Variants in ADAMTSL1 observed in about 807,000 individuals in gnomAD.
ADAMTSL1 encodes ADAMTS like 1.
ADAMTSL1 carries 126 observed loss-of-function variants against 201.8 expected under a neutral mutation model. The observed-to-expected ratio is 0.62, with a 90% CI of 0.54 to 0.72. The LOEUF (loss-of-function observed/expected upper bound fraction) is 0.72, where lower values mean the gene tolerates loss of function less well. Ranked by LOEUF, ADAMTSL1 falls within the 30% of genes least tolerant of loss-of-function variation. The probability of loss-of-function intolerance (pLI) is 0.00; values close to 1 mark genes in which losing one functional copy is unlikely to be tolerated. For missense variants in ADAMTSL1, 2,679 were observed against 2,277.8 expected (o/e 1.18, Z -3.59); for synonymous variants, 1,121 against 903.4 (o/e 1.24, Z -4.32).
intron 2 of ADAMTSL1, among the ~76,000 whole-genome samples, chr9:18,318,446 G>A (rs548283461): frequency 2.0e-4 from 30 of 152,208 alleles, no homozygotes; most frequent in Non-Finnish European, 3.5e-4. Context: ...TCAATTCTGA[G>A]TAGCAGTAAT....
At chr9:18,725,312 A>T (rs1171446720) in intron 15 of ADAMTSL1, among the ~76,000 whole-genome samples, 5 of 152,234 alleles carry the variant, frequency 3.3e-5, no homozygotes, top group Non-Finnish European at 5.9e-5. Context: ...GAGGTTAAGT[A>T]AGTTATAGGC....
chr9:18,236,287 G>A (rs1288112022), intron 2 of ADAMTSL1, among the ~76,000 whole-genome samples: 1 of 152,108 alleles, frequency 6.6e-6, no homozygotes, highest in Admixed American at 6.5e-5. Context: ...GGCCAGGCTG[G>A]CTGGTCTTGA....
In ADAMTSL1 at chr9:18,574,143, C is replaced by T. The variant is rs200209229; in HGVS notation, c.351C>T (p.Asn117=). 1 of 1,613,968 alleles carries T rather than the reference C, an allele frequency of 6.2e-7. No individual in the cohort carries two copies. Among genetic ancestry groups the T allele is most frequent in the African/African-American group, 1.3e-5 (1 of 74,896 alleles). Residue 117 remains asparagine, a synonymous_variant, in exon 4 of 29, where the codon AAC becomes AAT. Coordinates refer to ENST00000380548, the MANE Select transcript of ADAMTSL1 (RefSeq NM_001040272.6). ...TTCCTGTGTCTAATGACCCTGACAA[C>T]CCATGTTCACTCAAGTGCCAAGCCA... is the stretch of plus-strand genomic sequence containing the variant. ...EWLPVSNDPD[N]PCSLKCQAKG... is the part of the protein sequence containing the mutation.
chr9:18,455,872 C>A (rs6475219), intron 2 of ADAMTSL1, among the ~76,000 whole-genome samples: 61,399 of 151,002 alleles, frequency 0.41, 12,801 homozygotes, highest in East Asian at 0.48. Flanking sequence ...ATGTTAATAG[C>A]CCCCATTTTA....
At chr9:18,878,428 A>G (rs1347852056) in intron 23 of ADAMTSL1, among the ~76,000 whole-genome samples, 2 of 152,266 alleles carry the variant, frequency 1.3e-5, no homozygotes, top group Non-Finnish European at 2.9e-5. Flanking sequence ...ACAAAGTCAG[A>G]AATGGCTTCC....
chr9:18,784,459 C>T (rs1050389057), intron 19 of ADAMTSL1, among the ~76,000 whole-genome samples: 3 of 152,156 alleles, frequency 2.0e-5, no homozygotes, highest in Non-Finnish European at 2.9e-5. Flanking sequence ...GAGGAGGCTG[C>T]GGTCTGCAAG....
intron 20 of ADAMTSL1, among the ~76,000 whole-genome samples, chr9:18,796,986 T>C (rs1822464460): frequency 6.6e-6 from 1 of 152,230 alleles, no homozygotes; most frequent in African/African-American, 2.4e-5. Flanking sequence ...TGCCCTTTGT[T>C]CACCCGAATT....
intron 1 of ADAMTSL1, among the ~76,000 whole-genome samples, chr9:18,085,365 T>C (rs1174245990): frequency 1.3e-5 from 2 of 151,990 alleles, no homozygotes; most frequent in Non-Finnish European, 2.9e-5. Context: ...ATCTTCTTCA[T>C]AGACATCATG....
At chr9:17,959,370 T>C (rs2131393962) in intron 1 of ADAMTSL1, among the ~76,000 whole-genome samples, 1 of 152,348 alleles carries the variant, frequency 6.6e-6, no homozygotes, top group Non-Finnish European at 1.5e-5. Context: ...AAATAGATGA[T>C]ACCCTCCTTC....
At chr9:17,993,687 C>G (rs1240428648) in intron 1 of ADAMTSL1, among the ~76,000 whole-genome samples, 2 of 152,068 alleles carry the variant, frequency 1.3e-5, no homozygotes, top group African/African-American at 2.4e-5. Flanking sequence ...TTGGGGAGAT[C>G]CTTCACATTT....
intron 4 of ADAMTSL1, among the ~76,000 whole-genome samples, chr9:18,617,440 A>G (rs1209114288): frequency 1.4e-5 from 2 of 147,500 alleles, no homozygotes; most frequent in Non-Finnish European, 3.0e-5. Context: ...TGCACGACAT[A>G]CTAAGTCTCT....
chr9:18,158,426 A>AT (rs1352213893), intron 1 of ADAMTSL1, among the ~76,000 whole-genome samples: 1 of 151,854 alleles, frequency 6.6e-6, no homozygotes. Context: ...AGGAATGAAG[A>AT]TTTTTTGGAT....
intron 20 of ADAMTSL1, 61 bp downstream of exon 20, chr9:18,795,585 T>G: frequency 6.6e-7 from 1 of 1,517,734 alleles, no homozygotes; most frequent in Non-Finnish European, 8.9e-7. Flanking sequence ...GTGCCTATAG[T>G]GTGTCAAACA....
intron 15 of ADAMTSL1, among the ~76,000 whole-genome samples, chr9:18,747,218 G>C (rs997979012): frequency 2.0e-5 from 3 of 152,202 alleles, no homozygotes; most frequent in African/African-American, 7.2e-5. Context: ...TACGAGCTGT[G>C]TGACTTTGGA....
chr9:18,227,230 T>A (rs1204938097), intron 2 of ADAMTSL1, among the ~76,000 whole-genome samples: 1 of 152,114 alleles, frequency 6.6e-6, no homozygotes, highest in Non-Finnish European at 1.5e-5. Context: ...TTCTGCATTG[T>A]CGTATATTTT....
At chr9:18,788,747 A>G (rs561860082) in intron 19 of ADAMTSL1, among the ~76,000 whole-genome samples, 10 of 152,318 alleles carry the variant, frequency 6.6e-5, no homozygotes, top group Admixed American at 6.5e-4. Flanking sequence ...GGTCCTATAA[A>G]TAGGAATTTG....
upstream of ADAMTSL1, among the ~76,000 whole-genome samples, chr9:18,473,543 A>C (rs1448816247): frequency 6.6e-6 from 1 of 152,192 alleles, no homozygotes; most frequent in Non-Finnish European, 1.5e-5. Context: ...AGGCTTAGTG[A>C]GGAACCTTCA....
At chr9:18,184,207 G>A (rs1828628901) in intron 2 of ADAMTSL1, among the ~76,000 whole-genome samples, 1 of 152,148 alleles carries the variant, frequency 6.6e-6, no homozygotes, top group Admixed American at 6.5e-5. Context: ...AAGTCTGATA[G>A]CAATTGTGGT....
intron 2 of ADAMTSL1, among the ~76,000 whole-genome samples, chr9:18,423,645 G>T (rs183778821): frequency 8.9e-4 from 135 of 152,282 alleles, no homozygotes; most frequent in Non-Finnish European, 6.3e-4. Context: ...ACATAAAAAT[G>T]GCATTAGGCC....
Sources: allele counts gnomAD v4.1 joint callset (sites outside exome capture counted in the v4.1 genomes callset), GRCh38; gene constraint gnomAD v4.1.1; transcripts MANE v1.5; gene names NCBI Gene and HGNC (gene_info 2026-07-23, HGNC 2026-07-21).